The following USP39 variants were observed in gnomAD, a reference collection of about 807,000 sequenced individuals.
USP39 encodes ubiquitin carboxyl-terminal hydrolase 39.
Under a neutral mutation model 66.4 loss-of-function variants are expected in USP39, and 38 were observed. The observed-to-expected ratio is 0.57, with a 90% confidence interval of 0.44 to 0.75. The LOEUF (loss-of-function observed/expected upper bound fraction) is 0.75. USP39 is among the 30% of genes least tolerant of loss of function. The pLI is 0.00. For missense variants in USP39, 608 were observed against 714.4 expected (o/e 0.85, Z 1.70); for synonymous variants, 303 against 274.6 (o/e 1.10, Z -1.02).
intron 6 of USP39, among the ~76,000 whole-genome samples, chr2:85,631,966 T>A (rs1229246287): frequency 1.2e-5 from 1 of 82,176 alleles, no homozygotes; most frequent in Non-Finnish European, 2.6e-5. Flanking sequence ...CCAGGTGAAC[T>A]CCTGACCTCA....
upstream of USP39, chr2:85,611,781 T>C (rs776759594): frequency 1.9e-6 from 3 of 1,611,924 alleles, no homozygotes; most frequent in African/African-American, 2.7e-5. Flanking sequence ...CTTGTCATAG[T>C]CGTCCCTGCG....
chr2:85,612,231 G>GT (rs1189273944), upstream of USP39: 7 of 1,300,690 alleles, frequency 5.4e-6, no homozygotes, highest in Non-Finnish European at 6.3e-6. Context: ...TTTTTTGTTT[G>GT]TTTTTTCGTA....
At chr2:85,611,866 G>A (rs759291669), upstream of USP39, 3 of 1,598,682 alleles carry the variant, frequency 1.9e-6, no homozygotes, top group Non-Finnish European at 1.7e-6. Context: ...GCGGCGCAGG[G>A]CGGGGCGGTA....
intron 5 of USP39, 125 bp from the exon 6 acceptor site, chr2:85,630,596 C>G: frequency 2.4e-6 from 2 of 828,698 alleles, no homozygotes; most frequent in Non-Finnish European, 3.8e-6. Flanking sequence ...GGTCCATTTA[C>G]TTTTGGCTCT....
chr2:85,615,994 A>T, upstream of USP39: 5 of 1,160,812 alleles, frequency 4.3e-6, no homozygotes, highest in Non-Finnish European at 5.4e-6. Context: ...TGTAAACGAC[A>T]GTAGGCCCAC....
chr2:85,641,992 T>C (rs1676268512), intron 10 of USP39, among the ~76,000 whole-genome samples: 1 of 146,936 alleles, frequency 6.8e-6, no homozygotes, highest in Non-Finnish European at 1.5e-5. Flanking sequence ...AAGTAGTATC[T>C]AAAATTAAGA....
upstream of USP39, among the ~76,000 whole-genome samples, chr2:85,613,244 C>T (rs557986923): frequency 2.4e-4 from 37 of 152,116 alleles, no homozygotes; most frequent in African/African-American, 8.9e-4. Context: ...CGTGGTGGCT[C>T]ACGCCTGTAA....
intron 3 of USP39, among the ~76,000 whole-genome samples, chr2:85,622,422 C>A (rs1573402339): frequency 6.6e-6 from 1 of 151,996 alleles, no homozygotes; most frequent in East Asian, 1.9e-4. Flanking sequence ...CGTGCACGGC[C>A]ACATTTTTTT....
intron 7 of USP39, 119 bp from the exon 8 acceptor site, chr2:85,637,250 G>A: frequency 9.9e-7 from 1 of 1,010,776 alleles, no homozygotes; most frequent in East Asian, 2.5e-5. Flanking sequence ...TGTTTAGTGA[G>A]AGCTCTGTGT....
At chr2:85,616,053 C>T, upstream of USP39, 6 of 1,292,134 alleles carry the variant, frequency 4.6e-6, no homozygotes, top group Non-Finnish European at 5.9e-6. Flanking sequence ...GCACCGCCCA[C>T]AAATTTTCTG....
In USP39 at chr2:85,621,674, A is replaced by G. The variant is rs549397946; in HGVS notation, c.433+95A>G. 17 of 958,750 alleles carry G rather than the reference A, an allele frequency of 1.8e-5. No individual in the cohort carries two copies. In the African/African-American group the frequency reaches 2.7e-4, roughly 15 times the overall value. The allele number at this position is 958,750 out of a possible 1,614,324, so 59.4% of individuals were successfully genotyped here. A position where few individuals can be genotyped will look rare whatever the true frequency, so the allele number is the denominator to read the frequency against. Reference sequence around the variant, plus strand: ...AAGCTGTTCTCAGGAATCATATCTAATAATTTCTATTTGTTCCCAGGAAAT... The same window carrying G: ...AAGCTGTTCTCAGGAATCATATCTAGTAATTTCTATTTGTTCCCAGGAAAT... On this transcript the variant is annotated intron_variant, in intron 3 of 12. Coordinates refer to ENST00000323701, the MANE Select transcript of USP39 (RefSeq NM_006590.4).
intron 11 of USP39, 80 bp from the exon 12 acceptor site, chr2:85,647,850 A>G (rs1330177732): frequency 1.1e-5 from 14 of 1,308,750 alleles, no homozygotes; most frequent in Non-Finnish European, 1.5e-5. Context: ...TAATTTTTCT[A>G]GTCTTGGCTA....
chr2:85,626,649 A>G (rs1351618187), intron 5 of USP39, among the ~76,000 whole-genome samples: 1 of 152,100 alleles, frequency 6.6e-6, no homozygotes, highest in African/African-American at 2.4e-5. Context: ...TGGCTGATCA[A>G]TGACTTTTTC....
chr2:85,609,544 C>T (rs747814463), upstream of USP39: 2 of 1,614,200 alleles, frequency 1.2e-6, no homozygotes, highest in Admixed American at 1.7e-5. Context: ...GCTGCTTTCA[C>T]CGGACTCTTC....
intron 8 of USP39, among the ~76,000 whole-genome samples, chr2:85,637,928 C>T (rs1321174569): frequency 6.6e-6 from 1 of 152,142 alleles, no homozygotes; most frequent in Non-Finnish European, 1.5e-5. Context: ...AACTCCTGAC[C>T]TCAGGTGATC....
At position 85,603,582 on chromosome 2, in the gene USP39, A is replaced by T. The variant is rs71411830; in HGVS notation, n.226+501A>T. On this transcript the variant is annotated intron_variant and non_coding_transcript_variant, in intron 1 of 12. Coordinates refer to the USP39 transcript ENST00000459775. ...ATTCCTGGATGTTTCTTTTTTTTTT[A>T]CTTTTTCTTTTTCTTTTTTTTTTTT... Among the ~76,000 whole-genome samples, 1,012 of 149,862 alleles carry T rather than the reference A, an allele frequency of 6.8e-3. 1 individual carries two copies. Among genetic ancestry groups the T allele is most frequent in the Non-Finnish European group, 0.012 (807 of 67,220 alleles).
chr2:85,609,618 G>T (rs755385923), upstream of USP39: 58 of 1,610,330 alleles, frequency 3.6e-5, no homozygotes, highest in East Asian at 1.0e-3. Flanking sequence ...AGAAAGAAGA[G>T]GGGGGGTGCT....
At chr2:85,610,004 G>C (rs1673404958), upstream of USP39, among the ~76,000 whole-genome samples, 3 of 147,776 alleles carry the variant, frequency 2.0e-5, no homozygotes, top group Admixed American at 1.4e-4. Flanking sequence ...TATGGGTCCA[G>C]TGTAAGTGGT....
chr2:85,613,078 G>T (rs560417431), upstream of USP39, among the ~76,000 whole-genome samples: 1 of 151,908 alleles, frequency 6.6e-6, no homozygotes, highest in South Asian at 2.1e-4. Context: ...AGGGACAAAC[G>T]GCTGGATGCA....
Sources: gnomAD v4.1 joint callset for allele counts (sites outside exome capture counted in the v4.1 genomes callset) on GRCh38, gnomAD v4.1.1 for gene constraint, MANE v1.5 for transcripts, NCBI Gene and HGNC (gene_info 2026-07-23, HGNC 2026-07-21) for gene names.